C16orf96: variants seen among roughly 807,000 people sequenced by gnomAD.
C16orf96 encodes uncharacterized protein C16orf96.
Under a neutral mutation model 103.6 loss-of-function variants are expected in C16orf96, and 108 were observed. That is an observed-to-expected ratio of 1.04 (90% CI 0.89 to 1.22). The LOEUF (loss-of-function observed/expected upper bound fraction) is 1.22, where lower values mean the gene tolerates loss of function less well. C16orf96 is among the 50% of genes most tolerant of loss of function. C16orf96 has a pLI of 0.00. For synonymous variants in C16orf96, 566 were observed against 593.5 expected, an observed-to-expected ratio of 0.95 and a Z score of 0.67; for missense variants, 1,586 against 1,464.2, an observed-to-expected ratio of 1.08 and a Z score of -1.36.
chr16:4,576,138 A>G lies in C16orf96; in HGVS notation c.1658A>G (p.Gln553Arg), dbSNP rs1314997997. The G allele has an allele frequency of 6.4e-7, 1 of 1,551,476 alleles. No homozygotes were observed. Among genetic ancestry groups the G allele is most frequent in the Non-Finnish European group, 8.7e-7 (1 of 1,146,980 alleles). Residue 553 changes from glutamine to arginine, a missense_variant, in exon 5 of 16, where the codon CAG becomes CGG. By Grantham distance (43) the Gln-to-Arg change is conservative. Transcript: ENST00000444310. ...VGKDGAPKEA[Q>R]PKAPQSALHR... ...AAGGATGGGGCCCCCAAGGAAGCAC[A>G]GCCTAAGGCTCCCCAGTCTGCCCTT... is the stretch of plus-strand genomic sequence containing the variant.
At chr16:4,542,281 C>T in the C16orf96 span, among the ~76,000 whole-genome samples, 1 of 152,182 alleles carries the variant, frequency 6.6e-6, no homozygotes, top group Non-Finnish European at 1.5e-5. Context: ...AGGAGGATCA[C>T]TTGAGCCCAG....
chr16:4,540,326 C>G, the C16orf96 span, among the ~76,000 whole-genome samples: 3 of 152,156 alleles, frequency 2.0e-5, no homozygotes, highest in Non-Finnish European at 4.4e-5. Flanking sequence ...AAAAGACATT[C>G]TATTCTGGAA....
intron 7 of C16orf96, among the ~76,000 whole-genome samples, chr16:4,584,354 A>AT (rs71139648): frequency 2.2e-5 from 2 of 92,722 alleles, no homozygotes; most frequent in African/African-American, 8.7e-5. Flanking sequence ...TGCCTGGCTA[A>AT]TTTTTTTTTT....
intron 7 of C16orf96, among the ~76,000 whole-genome samples, chr16:4,581,161 T>C (rs1337010014): frequency 3.4e-5 from 4 of 116,406 alleles, no homozygotes; most frequent in South Asian, 3.0e-4. Context: ...TATATATATA[T>C]ATATATATAT....
intron 2 of C16orf96, among the ~76,000 whole-genome samples, chr16:4,571,975 G>T (rs971849640): frequency 1.3e-5 from 2 of 151,814 alleles, no homozygotes; most frequent in Non-Finnish European, 2.9e-5. Flanking sequence ...TGAGCTTCCC[G>T]AGTAGCTGGG....
intron 7 of C16orf96, among the ~76,000 whole-genome samples, chr16:4,585,072 G>T (rs1896888877): frequency 6.6e-6 from 1 of 152,132 alleles, no homozygotes; most frequent in African/African-American, 2.4e-5. Flanking sequence ...ACTGGAGTCT[G>T]GGAGGTGGAG....
the C16orf96 span, among the ~76,000 whole-genome samples, chr16:4,547,858 C>T: frequency 1.4e-5 from 2 of 143,486 alleles, no homozygotes; most frequent in Admixed American, 1.4e-4. Flanking sequence ...AGTCCAAACT[C>T]CTGAGCTCAA....
chr16:4,585,399 G>T (rs1027264095), intron 7 of C16orf96, among the ~76,000 whole-genome samples: 5 of 151,934 alleles, frequency 3.3e-5, no homozygotes, highest in African/African-American at 1.2e-4. Flanking sequence ...TGAGACTGCA[G>T]TGAGCTGTGA....
Position 4,568,424 on chromosome 16 carries a change from A to G in C16orf96, c.421-3137A>G, listed in dbSNP as rs538568526. 4.6e-5 allele frequency among the ~76,000 whole-genome samples: 7 copies of G among 151,036 alleles called. 1 individual carries two copies. In the South Asian group the frequency reaches 1.5e-3, roughly 32 times the overall value. On this transcript the variant is annotated intron_variant, in intron 1 of 15. Coordinates refer to ENST00000444310, the MANE Select transcript of C16orf96 (RefSeq NM_001145011.2). ...TCTAGTTGGTTTATACTATTGTTCA[A>G]ATCTTCTCTTTTCTTGCTGGCCTTT...
intron 7 of C16orf96, among the ~76,000 whole-genome samples, 194 bp downstream of exon 7, chr16:4,580,319 C>CCG (rs371005389): frequency 3.0e-5 from 4 of 134,486 alleles, no homozygotes; most frequent in Non-Finnish European, 6.5e-5. Flanking sequence ...CACCCCCCCC[C>CCG]ACCCATATAA....
Position 4,575,345 on chromosome 16 carries a change from C to T in C16orf96, c.865C>T (p.Leu289Phe). Residue 289 changes from leucine to phenylalanine, a missense_variant, in exon 5 of 16, where the codon CTC becomes TTC. Leu to Phe is a conservative substitution (Grantham distance 22, BLOSUM62 0). Transcript: ENST00000444310. ...TVWHYEVPEL[L>F]PEGSSAQAVS... ...CTGGCATTATGAGGTCCCAGAGCTC[C>T]TCCCGGAGGGCTCATCTGCCCAAGC... 6.4e-7 allele frequency: 1 copy of T among 1,551,286 alleles called. No individual in the cohort carries two copies. Among genetic ancestry groups the T allele is most frequent in the Non-Finnish European group, 8.7e-7 (1 of 1,147,006 alleles).
chr16:4,577,571 A>G (rs2059527718), intron 5 of C16orf96, among the ~76,000 whole-genome samples: 3 of 151,714 alleles, frequency 2.0e-5, no homozygotes, highest in African/African-American at 7.3e-5. Context: ...GAATGGCGTG[A>G]ACCCAGGAGG....
At chr16:4,562,352 T>C (rs936083849) in intron 1 of C16orf96, among the ~76,000 whole-genome samples, 2 of 151,814 alleles carry the variant, frequency 1.3e-5, no homozygotes, top group African/African-American at 4.8e-5. Context: ...GGTGCACCTG[T>C]AGTCCCAGGT....
At chr16:4,548,963 T>G in the C16orf96 span, among the ~76,000 whole-genome samples, 1 of 151,890 alleles carries the variant, frequency 6.6e-6, no homozygotes, top group Non-Finnish European at 1.5e-5. Flanking sequence ...ACTGGGGATG[T>G]GGTGGAGTCC....
chr16:4,575,974 C>A lies in C16orf96; in HGVS notation c.1494C>A (p.Asp498Glu). Residue 498 changes from aspartate (D) to glutamate (E), a missense_variant, in exon 5 of 16, where the codon GAC becomes GAA. Transcript: ENST00000444310. ...AAGATAGAGGTGGCAAGGATGTGGACCCCAAGGATAGAGCTCACAAGGATG... is the reference window on the plus strand; with the variant it reads ...AAGATAGAGGTGGCAAGGATGTGGAACCCAAGGATAGAGCTCACAAGGATG... Reference protein sequence around the residue: ...VPKDRGGKDVDPKDRAHKDDV... With the variant: ...VPKDRGGKDVEPKDRAHKDDV... 6.5e-7 allele frequency: 1 copy of A among 1,549,924 alleles called. No individual in the cohort carries two copies. Among genetic ancestry groups the A allele is most frequent in the Non-Finnish European group, 8.7e-7 (1 of 1,146,158 alleles).
At chr16:4,579,151 C>G in intron 6 of C16orf96, 126 bp downstream of exon 6, 1 of 863,158 alleles carries the variant, frequency 1.2e-6, no homozygotes, top group South Asian at 1.7e-5. Flanking sequence ...TGGGGGAAAG[C>G]GAGCTGGCTG....
At chr16:4,579,217 C>A (rs536749028) in intron 6 of C16orf96, among the ~76,000 whole-genome samples, 192 bp downstream of exon 6, 1 of 151,810 alleles carries the variant, frequency 6.6e-6, no homozygotes, top group Non-Finnish European at 1.5e-5. Flanking sequence ...GGGGGCCCAG[C>A]AGGTGTGGGG....
chr16:4,547,767 C>T, the C16orf96 span, among the ~76,000 whole-genome samples: 13 of 147,644 alleles, frequency 8.8e-5, no homozygotes, highest in Non-Finnish European at 1.5e-4. Context: ...CCCTCCCTCT[C>T]TCTCTCTCTC....
intron 9 of C16orf96, among the ~76,000 whole-genome samples, chr16:4,590,086 A>G (rs1463684346): frequency 1.3e-5 from 2 of 151,954 alleles, no homozygotes; most frequent in Non-Finnish European, 2.9e-5. Flanking sequence ...AGATAGCGCC[A>G]CTGCACTCCA....
Sources: gnomAD v4.1 joint callset for allele counts (sites outside exome capture counted in the v4.1 genomes callset) on GRCh38, gnomAD v4.1.1 for gene constraint, MANE v1.5 for transcripts, NCBI Gene and HGNC (gene_info 2026-07-23, HGNC 2026-07-21) for gene names.